HHAT: variants seen among roughly 807,000 people sequenced by gnomAD.
HHAT encodes the protein hedgehog acyltransferase, also known as protein-cysteine N-palmitoyltransferase HHAT.
Under a neutral mutation model 70.8 loss-of-function variants are expected in HHAT, and 47 were observed. That is an observed-to-expected ratio of 0.66 (90% CI 0.53 to 0.85). The LOEUF (loss-of-function observed/expected upper bound fraction) is 0.85. Ranked by LOEUF, HHAT falls within the 40% of genes least tolerant of loss-of-function variation. HHAT has a pLI of 0.00. For synonymous variants in HHAT, 228 were observed against 247.6 expected (o/e 0.92, Z 0.74); for missense variants, 609 against 604.8 (o/e 1.01, Z -0.07).
At chr1:210,565,083 G>T (rs1044512728) in intron 9 of HHAT, among the ~76,000 whole-genome samples, 2 of 152,206 alleles carry the variant, frequency 1.3e-5, no homozygotes, top group African/African-American at 4.8e-5. Flanking sequence ...GGAAGGGGAA[G>T]CATGGTTCCT....
chr1:210,552,880 C>T (rs1470283082), intron 9 of HHAT, among the ~76,000 whole-genome samples: 1 of 152,202 alleles, frequency 6.6e-6, no homozygotes, highest in African/African-American at 2.4e-5. Context: ...GATTCCTGCC[C>T]TCCTTTGAGT....
intron 7 of HHAT, among the ~76,000 whole-genome samples, chr1:210,457,435 A>T (rs950272425): frequency 2.0e-5 from 3 of 152,190 alleles, no homozygotes; most frequent in African/African-American, 7.2e-5. Context: ...AGTAAAAGTT[A>T]TTAGAGGGAC....
chr1:210,432,077 A>C (rs1364739807), intron 7 of HHAT, among the ~76,000 whole-genome samples: 1 of 151,778 alleles, frequency 6.6e-6, no homozygotes, highest in African/African-American at 2.4e-5. Flanking sequence ...GTGTCCCTGA[A>C]AAGTGAGCAT....
intron 10 of HHAT, among the ~76,000 whole-genome samples, chr1:210,613,634 GT>G: frequency 6.6e-6 from 1 of 152,198 alleles, no homozygotes; most frequent in Non-Finnish European, 1.5e-5. Flanking sequence ...TTAGGGTGGG[GT>G]TTTCTATTTT....
chr1:210,405,368 T>G (rs1305245804), intron 6 of HHAT, among the ~76,000 whole-genome samples: 1 of 152,184 alleles, frequency 6.6e-6, no homozygotes, highest in Non-Finnish European at 1.5e-5. Flanking sequence ...TACCTCTAGT[T>G]TCATGGAACA....
chr1:210,513,146 T>C lies in HHAT; in HGVS notation c.1008-7T>C. The C allele has an allele frequency of 6.6e-7, 1 of 1,517,530 alleles. No individual in the cohort carries two copies. Among genetic ancestry groups the C allele is most frequent in the Non-Finnish European group, 9.1e-7 (1 of 1,098,616 alleles). 94.0% of individuals were successfully genotyped at this position (1,517,530 alleles called of 1,614,324 possible). On this transcript the variant is annotated splice_polypyrimidine_tract_variant and splice_region_variant and intron_variant, in intron 8 of 11. Transcript: ENST00000261458. The stretch of plus-strand genomic sequence containing the variant: ...TTGATATGCTTGTCTATGTCTCTTT[T>C]GAACAGGTATTTTGATGTTGGACTG...
chr1:210,334,687 T>C (rs1260854475), intron 1 of HHAT, among the ~76,000 whole-genome samples: 1 of 150,948 alleles, frequency 6.6e-6, no homozygotes, highest in African/African-American at 2.4e-5. Flanking sequence ...TTTTTTATTT[T>C]TATTTTTATT....
At chr1:210,407,489 T>C (rs962335116) in intron 6 of HHAT, among the ~76,000 whole-genome samples, 1 of 152,112 alleles carries the variant, frequency 6.6e-6, no homozygotes, top group Non-Finnish European at 1.5e-5. Context: ...CAAATGACAA[T>C]GTTAGTTTTA....
intron 6 of HHAT, among the ~76,000 whole-genome samples, chr1:210,410,523 A>ATTTTTTTT (rs35608235): frequency 8.6e-6 from 1 of 116,432 alleles, no homozygotes; most frequent in African/African-American, 3.6e-5. Flanking sequence ...TTATTTGTAA[A>ATTTTTTTT]TTTTTTTTTT....
intron 11 of HHAT, among the ~76,000 whole-genome samples, chr1:210,672,352 G>A (rs1026308441): frequency 9.2e-5 from 14 of 152,182 alleles, no homozygotes; most frequent in Admixed American, 7.9e-4. Flanking sequence ...ACCACTGTCT[G>A]TCTGCCTGCC....
chr1:210,455,106 G>A (rs1008288481), intron 7 of HHAT, among the ~76,000 whole-genome samples: 10 of 152,152 alleles, frequency 6.6e-5, no homozygotes, highest in Non-Finnish European at 1.2e-4. Flanking sequence ...TCTTTCTGGG[G>A]CTGACTCTTG....
At chr1:210,564,429 T>C (rs934387860) in intron 9 of HHAT, among the ~76,000 whole-genome samples, 6 of 152,100 alleles carry the variant, frequency 3.9e-5, no homozygotes, top group Non-Finnish European at 7.4e-5. Flanking sequence ...GAGAGCTCCA[T>C]TGGAGCCACA....
chr1:210,388,574 G>A lies in HHAT; in HGVS notation c.273+993G>A, dbSNP rs541046517. Among the ~76,000 whole-genome samples the A allele has an allele frequency of 2.6e-5, 4 of 152,150 alleles. No individual in the cohort carries two copies. In the East Asian group the frequency reaches 7.7e-4, roughly 29 times the overall value. ...CTGATTTTTTTTTTGTACTCAAGTG[G>A]CTGCTGAACTGGCAAAATCCAAAAT... On this transcript the variant is annotated intron_variant, in intron 4 of 11. Transcript: ENST00000261458.
chr1:210,491,572 C>T lies in HHAT; in HGVS notation c.1008-21581C>T, dbSNP rs1340112283. On this transcript the variant is annotated intron_variant, in intron 8 of 11. Coordinates refer to ENST00000261458, the MANE Select transcript of HHAT (RefSeq NM_018194.6). ...AAGTGGGATAATAGTACAACCTTGA[C>T]AGTGTTGTTGAGAGCATTAAATGAG... Among the ~76,000 whole-genome samples, 4 of 152,176 alleles carry T rather than the reference C, an allele frequency of 2.6e-5. 1 individual carries two copies. Among genetic ancestry groups the T allele is most frequent in the Non-Finnish European group, 5.9e-5 (4 of 68,040 alleles).
At chr1:210,507,359 CTTTTTTTTTTT>C (rs927392992) in intron 8 of HHAT, among the ~76,000 whole-genome samples, 6 of 122,528 alleles carry the variant, frequency 4.9e-5, no homozygotes, top group African/African-American at 5.9e-5. Context: ...TTTCTTTTTT[CTTTTTTTTTTT>C]TTTTTTTTGA....
intron 5 of HHAT, among the ~76,000 whole-genome samples, chr1:210,403,030 T>C (rs2092152024): frequency 6.6e-6 from 1 of 152,250 alleles, no homozygotes; most frequent in Non-Finnish European, 1.5e-5. Context: ...CCTCATGGGA[T>C]TGTTCTGAGA....
At chr1:210,634,452 G>A (rs1671479417) in intron 11 of HHAT, among the ~76,000 whole-genome samples, 1 of 152,186 alleles carries the variant, frequency 6.6e-6, no homozygotes, top group Admixed American at 6.5e-5. Context: ...TGCACAGCAG[G>A]GAGCCATTTG....
intron 9 of HHAT, among the ~76,000 whole-genome samples, chr1:210,519,857 A>T (rs1270326401): frequency 7.1e-6 from 1 of 140,796 alleles, no homozygotes; most frequent in African/African-American, 2.7e-5. Flanking sequence ...TTTTGGTAAT[A>T]GCTATTCCAA....
At chr1:210,621,034 C>T (rs1041651974) in intron 10 of HHAT, among the ~76,000 whole-genome samples, 1 of 152,062 alleles carries the variant, frequency 6.6e-6, no homozygotes, top group Non-Finnish European at 1.5e-5. Context: ...CTCCAATACA[C>T]GCTGTCTGTT....
Sources: allele counts gnomAD v4.1 joint callset (sites outside exome capture counted in the v4.1 genomes callset), GRCh38; gene constraint gnomAD v4.1.1; transcripts MANE v1.5; gene names NCBI Gene and HGNC (gene_info 2026-07-23, HGNC 2026-07-21).